NTRK3: variants seen among roughly 807,000 people sequenced by gnomAD.
NTRK3 encodes the protein neurotrophic receptor tyrosine kinase 3, also known as NT-3 growth factor receptor.
In NTRK3, 24 loss-of-function variants were observed where a neutral mutation model predicts 91.7. That is an observed-to-expected ratio of 0.26 (90% CI 0.19 to 0.37). The LOEUF is 0.37. NTRK3 is among the 10% of genes least tolerant of loss of function. The probability of loss-of-function intolerance (pLI) is 1.00; values close to 1 mark genes in which losing one functional copy is unlikely to be tolerated. For synonymous variants in NTRK3, 483 were observed against 404.0 expected, an observed-to-expected ratio of 1.20 and a Z score of -2.34; for missense variants, 880 against 1,068.9, an observed-to-expected ratio of 0.82 and a Z score of 2.46.
chr15:88,087,864 C>T (rs577102922), intron 13 of NTRK3, among the ~76,000 whole-genome samples: 2 of 152,292 alleles, frequency 1.3e-5, no homozygotes, highest in Admixed American at 6.5e-5. Context: ...GCCTGGCCAA[C>T]ATGGTGAAAC....
chr15:88,202,760 A>T (rs1050224859), intron 3 of NTRK3, among the ~76,000 whole-genome samples: 1 of 152,230 alleles, frequency 6.6e-6, no homozygotes, highest in Non-Finnish European at 1.5e-5. Flanking sequence ...CTGTGTGTCC[A>T]AAGGCTGAGT....
intron 14 of NTRK3, among the ~76,000 whole-genome samples, chr15:88,009,451 C>T (rs1036435940): frequency 3.9e-5 from 6 of 152,172 alleles, no homozygotes; most frequent in African/African-American, 1.4e-4. Flanking sequence ...TACGTTCCAC[C>T]TAATGGTTGC....
intron 13 of NTRK3, among the ~76,000 whole-genome samples, chr15:88,122,825 T>TAAAAAAAGTACAGC (rs1371106097): frequency 1.6e-4 from 24 of 152,214 alleles, no homozygotes; most frequent in African/African-American, 5.5e-4. Context: ...CCATTGTTAA[T>TAAAAAAAGTACAGC]TTATAAGCTG....
At chr15:88,056,978 C>T (rs1004191725) in intron 13 of NTRK3, among the ~76,000 whole-genome samples, 2 of 151,340 alleles carry the variant, frequency 1.3e-5, no homozygotes, top group Non-Finnish European at 2.9e-5. Flanking sequence ...AGACCATCCT[C>T]GCTAACACGG....
intron 14 of NTRK3, among the ~76,000 whole-genome samples, chr15:87,979,705 T>C (rs1410230074): frequency 2.0e-5 from 3 of 152,018 alleles, no homozygotes; most frequent in African/African-American, 7.2e-5. Flanking sequence ...GAGCAAAACC[T>C]TTGGGGGCTT....
At chr15:87,875,571 C>A (rs1046704946) in exon 19 of NTRK3, 43 of 232,722 alleles carry the variant, frequency 1.8e-4, no homozygotes, top group Non-Finnish European at 3.4e-4. Context: ...TACCCCAGCC[C>A]ACAAAAGTGA....
chr15:88,229,448 C>T (rs932082946), intron 3 of NTRK3, among the ~76,000 whole-genome samples: 3 of 152,156 alleles, frequency 2.0e-5, no homozygotes, highest in African/African-American at 7.2e-5. Context: ...ATCCACTTTA[C>T]TAAATCTTCC....
At chr15:88,161,001 C>A (rs899078370) in intron 5 of NTRK3, among the ~76,000 whole-genome samples, 1 of 152,144 alleles carries the variant, frequency 6.6e-6, no homozygotes, top group Non-Finnish European at 1.5e-5. Flanking sequence ...TGGGGCAATT[C>A]TAAAGATCAA....
At chr15:88,139,092 G>A (rs1475777843) in intron 6 of NTRK3, among the ~76,000 whole-genome samples, 1 of 152,184 alleles carries the variant, frequency 6.6e-6, no homozygotes, top group Non-Finnish European at 1.5e-5. Flanking sequence ...ACACAGAGAT[G>A]AAGAAGACAG....
intron 13 of NTRK3, among the ~76,000 whole-genome samples, chr15:88,049,633 C>A (rs892012997): frequency 1.3e-5 from 2 of 152,188 alleles, no homozygotes; most frequent in African/African-American, 2.4e-5. Flanking sequence ...TCAATATTAT[C>A]TGAAACTGCT....
At chr15:87,944,981 G>C (rs531231536) in intron 14 of NTRK3, among the ~76,000 whole-genome samples, 1 of 152,326 alleles carries the variant, frequency 6.6e-6, no homozygotes, top group Admixed American at 6.5e-5. Flanking sequence ...AAAAGTGATG[G>C]ATTTTCCTAA....
At chr15:88,106,836 G>C (rs2050761627) in intron 13 of NTRK3, among the ~76,000 whole-genome samples, 1 of 152,018 alleles carries the variant, frequency 6.6e-6, no homozygotes, top group South Asian at 2.1e-4. Flanking sequence ...AGGAGGCTGA[G>C]GCAGGAGAAT....
chr15:88,233,758 T>A lies in NTRK3; in HGVS notation c.248+22148A>T, dbSNP rs1449514694. Among the ~76,000 whole-genome samples the A allele has an allele frequency of 1.3e-5, 2 of 151,882 alleles. No homozygotes were observed. Among genetic ancestry groups the A allele is most frequent in the East Asian group, 3.9e-4 (2 of 5,120 alleles). ...CTTCCTTCCCTGCCCCCTTCCTCCCTACACCTTGCTCCTCCTCCCCTGACA... is the reference window on the plus strand; with the variant it reads ...CTTCCTTCCCTGCCCCCTTCCTCCCAACACCTTGCTCCTCCTCCCCTGACA... On this transcript the variant is annotated intron_variant, in intron 3 of 18. Transcript: ENST00000394480. This position sits in a 1 kb window ranked among gnomAD's most constrained non-coding sequence, Gnocchi z 4.2.
intron 3 of NTRK3, among the ~76,000 whole-genome samples, chr15:88,207,802 G>T (rs912378447): frequency 1.3e-4 from 20 of 152,308 alleles, no homozygotes; most frequent in African/African-American, 4.8e-4. Flanking sequence ...GGCCAGATGT[G>T]CTCAGCTCAT....
Position 88,243,831 on chromosome 15 carries a change from A to G in NTRK3, c.248+12075T>C, listed in dbSNP as rs1166373026. Among the ~76,000 whole-genome samples the G allele has an allele frequency of 6.6e-6, 1 of 152,178 alleles. No homozygotes were observed. The highest frequency in any genetic ancestry group is 2.4e-5 in the African/African-American group (1 of 41,428). On this transcript the variant is annotated intron_variant, in intron 3 of 18. Transcript: ENST00000394480. The surrounding 1 kb of genome is among the most constrained non-coding windows in gnomAD (Gnocchi z 4.8). Reference sequence around the variant, plus strand: ...TCACAATCAACTTAGTCAGTTGCCCATGTGGTTTCTCCAGTTGTGACTTCG... The same window carrying G: ...TCACAATCAACTTAGTCAGTTGCCCGTGTGGTTTCTCCAGTTGTGACTTCG...
chr15:87,913,074 T>C (rs1378919440), intron 17 of NTRK3, among the ~76,000 whole-genome samples: 3 of 150,182 alleles, frequency 2.0e-5, no homozygotes, highest in Non-Finnish European at 4.4e-5. Context: ...ACCTTGGCAG[T>C]GTGTAAAGGG....
intron 14 of NTRK3, among the ~76,000 whole-genome samples, chr15:88,027,286 C>G (rs755603820): frequency 6.6e-6 from 1 of 152,124 alleles, no homozygotes; most frequent in Non-Finnish European, 1.5e-5. Context: ...AGTTAAAGAT[C>G]GCATAAGAAA....
At chr15:88,226,843 T>G (rs1163679388) in intron 3 of NTRK3, among the ~76,000 whole-genome samples, 1 of 152,324 alleles carries the variant, frequency 6.6e-6, no homozygotes, top group African/African-American at 2.4e-5. Context: ...ATCCTCTCAG[T>G]CACCCAGTGA....
intron 13 of NTRK3, among the ~76,000 whole-genome samples, chr15:88,038,747 C>G (rs1031052179): frequency 6.6e-6 from 1 of 152,082 alleles, no homozygotes; most frequent in Non-Finnish European, 1.5e-5. Context: ...AAAAAAAAGT[C>G]CAGTCTCCCC....
Sources: gnomAD v4.1 joint callset for allele counts (sites outside exome capture counted in the v4.1 genomes callset) on GRCh38, gnomAD v4.1.1 for gene constraint, Gnocchi (gnomAD v3.1) non-coding constraint, MANE v1.5 for transcripts, NCBI Gene and HGNC (gene_info 2026-07-23, HGNC 2026-07-21) for gene names.